Variants in APPL2 observed in about 807,000 individuals in gnomAD.
APPL2 encodes adaptor protein, phosphotyrosine interacting with PH domain and leucine zipper 2.
Under a neutral mutation model 92.7 loss-of-function variants are expected in APPL2, and 84 were observed. The observed-to-expected ratio is 0.91, with a 90% CI of 0.76 to 1.09. The LOEUF (loss-of-function observed/expected upper bound fraction) is 1.09. Ranked by LOEUF, APPL2 falls within the 50% of genes least tolerant of loss-of-function variation. APPL2 has a pLI of 0.00. For synonymous variants in APPL2, 291 were observed against 291.0 expected (o/e 1.00, Z 0.00); for missense variants, 736 against 824.5 (o/e 0.89, Z 1.31).
intron 20 of APPL2, 53 bp downstream of exon 20, chr12:105,175,982 G>A: frequency 1.4e-6 from 2 of 1,466,780 alleles, no homozygotes; most frequent in Non-Finnish European, 9.2e-7. Context: ...CTTGGTATGT[G>A]TACACAGATG....
intron 20 of APPL2, among the ~76,000 whole-genome samples, chr12:105,175,380 T>C (rs575865820): frequency 2.2e-4 from 33 of 152,216 alleles, no homozygotes; most frequent in Non-Finnish European, 4.6e-4. Context: ...TGCACTAATA[T>C]GGTAGCCACT....
chr12:105,211,067 C>T (rs947012631), intron 5 of APPL2, among the ~76,000 whole-genome samples, 163 bp downstream of exon 5: 6 of 152,044 alleles, frequency 3.9e-5, no homozygotes, highest in South Asian at 2.1e-4. Context: ...TTAGGTGAGC[C>T]GGGAACACAG....
intron 8 of APPL2, among the ~76,000 whole-genome samples, chr12:105,204,976 A>G (rs1259858205): frequency 3.9e-5 from 6 of 152,230 alleles, no homozygotes; most frequent in Admixed American, 3.3e-4. Context: ...AGGACCGAAC[A>G]TGACTTCAAG....
chr12:105,207,892 A>G, intron 7 of APPL2, 79 bp downstream of exon 7: 2 of 1,343,046 alleles, frequency 1.5e-6, no homozygotes, highest in South Asian at 1.2e-5. Flanking sequence ...GCACCCTTTC[A>G]TGCCATAAAT....
chr12:105,186,892 A>G (rs1011744156), intron 17 of APPL2, among the ~76,000 whole-genome samples: 1 of 151,846 alleles, frequency 6.6e-6, no homozygotes, highest in African/African-American at 2.4e-5. Context: ...ATCTTTGGAA[A>G]AATGTCTATT....
At chr12:105,176,848 T>G (rs1448630734) in intron 19 of APPL2, 28 bp downstream of exon 19, 3 of 1,610,364 alleles carry the variant, frequency 1.9e-6, no homozygotes, top group Non-Finnish European at 2.5e-6. Context: ...GACTGGGATA[T>G]TATGGGATCT....
chr12:105,192,107 A>C (rs1007038037), intron 14 of APPL2, among the ~76,000 whole-genome samples: 1 of 152,140 alleles, frequency 6.6e-6, no homozygotes, highest in African/African-American at 2.4e-5. Context: ...TTTTTTAAAA[A>C]ACACCATCTG....
intron 15 of APPL2, 34 bp from the exon 16 acceptor site, chr12:105,189,858 A>G (rs766809298): frequency 6.2e-7 from 1 of 1,613,432 alleles, no homozygotes; most frequent in Non-Finnish European, 8.5e-7. Context: ...CAAACACGAC[A>G]GCTGCAGCTA....
Position 105,174,451 on chromosome 12 carries a change from G to C in APPL2, c.1861-3C>G, listed in dbSNP as rs760180569. On this transcript the variant is annotated splice_polypyrimidine_tract_variant and splice_region_variant and intron_variant, in intron 20 of 20. Coordinates refer to ENST00000258530, the MANE Select transcript of APPL2 (RefSeq NM_018171.5). ...AATTGAGCCAGTGCTTCTGGATCCT[G>C]AAGTTAGGAGAGTTTAAAAGGGAAA... 9 of 1,610,370 alleles carry C rather than the reference G, an allele frequency of 5.6e-6. No homozygotes were observed. In the African/African-American group the frequency reaches 9.4e-5, roughly 17 times the overall value.
intron 17 of APPL2, among the ~76,000 whole-genome samples, chr12:105,177,684 T>C (rs1885686197): frequency 6.6e-6 from 1 of 152,210 alleles, no homozygotes; most frequent in South Asian, 2.1e-4. Context: ...AAAGATGAGG[T>C]AGCGGTGACA....
At chr12:105,200,864 G>GTATGTATGTATGTATCTATC (rs757298388) in intron 9 of APPL2, among the ~76,000 whole-genome samples, 7 of 135,066 alleles carry the variant, frequency 5.2e-5, no homozygotes, top group African/African-American at 1.4e-4. Context: ...ATGTATGTAT[G>GTATGTATGTATGTATCTATC]TATCTATCTA....
chr12:105,203,463 T>C, intron 9 of APPL2: 1 of 488,100 alleles, frequency 2.0e-6, no homozygotes, highest in Middle Eastern at 5.3e-4. Flanking sequence ...GTTCCCAGGC[T>C]TGTGACATGT....
chr12:105,204,553 C>T (rs1341795046), intron 8 of APPL2, among the ~76,000 whole-genome samples: 1 of 152,158 alleles, frequency 6.6e-6, no homozygotes, highest in Non-Finnish European at 1.5e-5. Flanking sequence ...ACTGTTCTGG[C>T]CCCATGATCT....
intron 17 of APPL2, among the ~76,000 whole-genome samples, chr12:105,179,024 T>C (rs1160492991): frequency 6.6e-6 from 1 of 152,196 alleles, no homozygotes; most frequent in African/African-American, 2.4e-5. Context: ...CTGAGATACA[T>C]GTGCAGAACG....
intron 14 of APPL2, among the ~76,000 whole-genome samples, chr12:105,194,554 G>C (rs2135955586): frequency 6.6e-6 from 1 of 152,096 alleles, no homozygotes; most frequent in Non-Finnish European, 1.5e-5. Flanking sequence ...AGCCAGGTGT[G>C]GTGGTGGGCG....
chr12:105,212,187 T>G (rs1422389712), intron 4 of APPL2, among the ~76,000 whole-genome samples: 1 of 151,322 alleles, frequency 6.6e-6, no homozygotes, highest in East Asian at 1.9e-4. Flanking sequence ...ACCTTTAGTC[T>G]AGAAAAGGAC....
chr12:105,224,494 A>T (rs1042625020), intron 2 of APPL2, among the ~76,000 whole-genome samples: 2 of 152,220 alleles, frequency 1.3e-5, no homozygotes, highest in Non-Finnish European at 2.9e-5. Context: ...GAGCAAGCAT[A>T]GTGGTTAAGA....
At chr12:105,204,485 A>G (rs1291932903) in intron 8 of APPL2, among the ~76,000 whole-genome samples, 1 of 152,118 alleles carries the variant, frequency 6.6e-6, no homozygotes, top group African/African-American at 2.4e-5. Flanking sequence ...GTGCTTAGTT[A>G]TCACAGGTTA....
At chr12:105,193,366 G>A (rs1218099198) in intron 14 of APPL2, among the ~76,000 whole-genome samples, 1 of 152,168 alleles carries the variant, frequency 6.6e-6, no homozygotes, top group East Asian at 1.9e-4. Context: ...TTCCCTGTAT[G>A]TCACAAGGCT....
Sources: allele counts gnomAD v4.1 joint callset (sites outside exome capture counted in the v4.1 genomes callset), GRCh38; gene constraint gnomAD v4.1.1; transcripts MANE v1.5; gene names NCBI Gene and HGNC (gene_info 2026-07-23, HGNC 2026-07-21).